Variants in DNAH12 observed in about 807,000 individuals in gnomAD.
DNAH12 encodes the protein dynein axonemal heavy chain 12.
A neutral mutation model predicts 371.5 loss-of-function variants in DNAH12; 285 were observed. That is an observed-to-expected ratio of 0.77 (90% CI 0.70 to 0.85). DNAH12 has a LOEUF of 0.85. Among genes scored for constraint, DNAH12 ranks in the 40% least tolerant of loss-of-function variants. The pLI, the probability that DNAH12 is intolerant of heterozygous loss-of-function variation, is 0.00. For synonymous variants in DNAH12, 1,200 were observed against 1,213.0 expected, an observed-to-expected ratio of 0.99 and a Z score of 0.22; for missense variants, 3,611 against 3,689.4, an observed-to-expected ratio of 0.98 and a Z score of 0.55.
Position 57,405,819 on chromosome 3 carries a change from G to A in DNAH12, c.6410C>T (p.Thr2137Ile). 1 of 1,551,720 alleles carries A rather than the reference G, an allele frequency of 6.4e-7. No homozygotes were observed. Among genetic ancestry groups the A allele is most frequent in the Non-Finnish European group, 8.7e-7 (1 of 1,146,998 alleles). The change falls in exon 41 of 74, where the codon ACT (threonine) becomes ATT (isoleucine). Residue 2137 changes from threonine to isoleucine, a missense_variant. Around this residue, in one of 3 missense-constraint regions of DNAH12, gnomAD observed 2,266 missense variants for 2,236.9 expected, o/e 1.01. Transcript: ENST00000495027. Reference protein sequence around the residue: ...IERDAVANKHTMIRLFVHEVL... With the variant: ...IERDAVANKHIMIRLFVHEVL... ...CTCATGCACAAACAGACGGATCATAGTGTGTTTGTTCGCCACGGCGTCTCT... is the reference window on the plus strand; with the variant it reads ...CTCATGCACAAACAGACGGATCATAATGTGTTTGTTCGCCACGGCGTCTCT...
chr3:57,323,765 TAAAA>T, intron 62 of DNAH12, 146 bp from the exon 63 acceptor site: 1 of 834,048 alleles, frequency 1.2e-6, no homozygotes, highest in Non-Finnish European at 1.7e-6. Flanking sequence ...CTAATTTCTC[TAAAA>T]AATAAAAACT....
At chr3:57,321,046 TTCTC>T (rs1460794605) in intron 65 of DNAH12, among the ~76,000 whole-genome samples, 5 of 152,194 alleles carry the variant, frequency 3.3e-5, no homozygotes, top group Non-Finnish European at 7.3e-5. Flanking sequence ...AGAATGCTTC[TTCTC>T]TAACTCAGCA....
chr3:57,328,419 T>C, intron 62 of DNAH12, among the ~76,000 whole-genome samples: 1 of 133,260 alleles, frequency 7.5e-6, no homozygotes, highest in African/African-American at 2.9e-5. Context: ...CTCAAATCAA[T>C]AAATGTAATC....
chr3:57,391,924 C>T lies in DNAH12; in HGVS notation c.7253G>A (p.Arg2418His), dbSNP rs1462435611. Residue 2418 changes from arginine to histidine, a missense_variant, in exon 45 of 74, where the codon CGC (arginine) becomes CAC (histidine). Around this residue, in one of 3 missense-constraint regions of DNAH12, gnomAD observed 2,266 missense variants for 2,236.9 expected, o/e 1.01. Transcript: ENST00000495027. ...FSPIGDAFRN[R>H]LRQFPSLINC... ...GATGAGGGATGGGAACTGTCTCAAG[C>T]GATTTCGAAAGGCATCTCCAATGGG... 4 of 152,828 alleles carry T rather than the reference C, an allele frequency of 2.6e-5. No homozygotes were observed. Among genetic ancestry groups the T allele is most frequent in the Middle Eastern group, 2.2e-3 (2 of 908 alleles). The allele number at this position is 152,828 out of a possible 1,614,324, so 9.5% of individuals were successfully genotyped here. A position where few individuals can be genotyped will look rare whatever the true frequency, so the allele number is the denominator to read the frequency against.
intron 56 of DNAH12, 49 bp downstream of exon 56, chr3:57,367,997 T>A (rs1281055436): frequency 1.3e-5 from 2 of 152,242 alleles, no homozygotes; most frequent in African/African-American, 4.8e-5. Flanking sequence ...GCCTCCAAGA[T>A]AATTCAATCA....
intron 59 of DNAH12, among the ~76,000 whole-genome samples, chr3:57,356,444 A>AAAATAAATAAATAAATAAAT (rs1174174898): frequency 2.2e-5 from 3 of 137,846 alleles, no homozygotes; most frequent in Non-Finnish European, 4.6e-5. Context: ...CCTTGTCTCA[A>AAAATAAATAAATAAATAAAT]AAATAAATAA....
At chr3:57,508,646 G>T in intron 6 of DNAH12, 106 bp from the exon 7 acceptor site, 2 of 1,315,130 alleles carry the variant, frequency 1.5e-6, no homozygotes, top group Non-Finnish European at 2.0e-6. Flanking sequence ...GAAAACTGGG[G>T]CTTGAGAAGA....
chr3:57,338,859 G>T (rs1476333318), intron 60 of DNAH12, among the ~76,000 whole-genome samples: 1 of 152,272 alleles, frequency 6.6e-6, no homozygotes, highest in African/African-American at 2.4e-5. Flanking sequence ...CTTTCTGCAG[G>T]TGTACCCAAC....
chr3:57,502,236 G>A, intron 10 of DNAH12, 87 bp downstream of exon 10: 1 of 1,529,130 alleles, frequency 6.5e-7, no homozygotes, highest in Non-Finnish European at 8.9e-7. Flanking sequence ...TTCTTTCATG[G>A]CAGCCCCAGA....
chr3:57,474,564 G>A (rs1332184009), intron 13 of DNAH12, among the ~76,000 whole-genome samples: 1 of 152,072 alleles, frequency 6.6e-6, no homozygotes, highest in Non-Finnish European at 1.5e-5. Flanking sequence ...CCACAGTGCT[G>A]GGATTTTAGG....
rs1186556830 is a variant in DNAH12, at chr3:57,446,084, T to C, written c.4126A>G (p.Ile1376Val). 2 of 1,551,692 alleles carry C rather than the reference T, an allele frequency of 1.3e-6. No individual in the cohort carries two copies. Among genetic ancestry groups the C allele is most frequent in the African/African-American group, 2.7e-5 (2 of 73,164 alleles). ...CCTGCATAGCCAGGATTCATGGTAA[T>C]AGCTACAAAACAATTCGGATTGAGC... Reference protein sequence around the residue: ...LKLNPNCFVAITMNPGYAGRS... With the variant: ...LKLNPNCFVAVTMNPGYAGRS... The change falls in exon 27 of 74, where the codon ATT becomes GTT. Residue 1376 changes from isoleucine to valine, a missense_variant. Ile to Val is a conservative substitution (Grantham distance 29, BLOSUM62 3). This residue lies in a region of DNAH12 where 2,266 missense variants were observed against 2,236.9 expected (regional missense o/e 1.01). Transcript: ENST00000495027.
chr3:57,355,004 T>C (rs989755907), intron 59 of DNAH12, among the ~76,000 whole-genome samples: 11 of 152,138 alleles, frequency 7.2e-5, no homozygotes, highest in African/African-American at 2.4e-4. Context: ...GGTATAGCTA[T>C]AAAAGGGGAA....
chr3:57,318,854 T>C (rs934904864), intron 65 of DNAH12, among the ~76,000 whole-genome samples: 4 of 152,236 alleles, frequency 2.6e-5, no homozygotes, highest in East Asian at 1.9e-4. Flanking sequence ...TTTCTCAACA[T>C]TGGTTTGGCC....
chr3:57,551,017 T>C, the DNAH12 span, among the ~76,000 whole-genome samples: 1 of 150,472 alleles, frequency 6.6e-6, no homozygotes, highest in South Asian at 2.1e-4. Flanking sequence ...TAGCTGGGAC[T>C]ACATGCCCAG....
intron 59 of DNAH12, among the ~76,000 whole-genome samples, chr3:57,356,429 TG>T (rs2062801279): frequency 4.7e-5 from 1 of 21,186 alleles, no homozygotes; most frequent in Non-Finnish European, 2.1e-4. Context: ...GGTGACAGAG[TG>T]AGACCTTGTC....
chr3:57,473,619 T>A (rs1282275361), intron 13 of DNAH12, among the ~76,000 whole-genome samples: 1 of 151,786 alleles, frequency 6.6e-6, no homozygotes, highest in African/African-American at 2.4e-5. Context: ...TAGTACTAAT[T>A]TTTAAGAATT....
intron 65 of DNAH12, among the ~76,000 whole-genome samples, chr3:57,316,168 G>A (rs1201561288): frequency 1.3e-5 from 2 of 149,202 alleles, no homozygotes; most frequent in African/African-American, 2.5e-5. Context: ...CTAAGCCAAG[G>A]GGGCAGTAGG....
intron 45 of DNAH12, among the ~76,000 whole-genome samples, chr3:57,391,280 G>C: frequency 6.6e-6 from 1 of 152,206 alleles, no homozygotes; most frequent in Non-Finnish European, 1.5e-5. Flanking sequence ...TCAATCCAAT[G>C]GAACAAAAAT....
rs1008361407 is a variant in DNAH12, at chr3:57,433,353, T to C, written c.4980+14A>G. The C allele has an allele frequency of 5.8e-6, 9 of 1,545,010 alleles. No individual in the cohort carries two copies. In the African/African-American group the frequency reaches 1.2e-4, roughly 21 times the overall value. On this transcript the variant is annotated intron_variant, in intron 32 of 73. Coordinates refer to ENST00000495027, the MANE Select transcript of DNAH12 (RefSeq NM_001366028.2). Reference sequence around the variant, plus strand: ...ATCATGGCTGAATCTGCTTCTCTTTTGATCATGATTTACCTTTTTATTATC... The same window carrying C: ...ATCATGGCTGAATCTGCTTCTCTTTCGATCATGATTTACCTTTTTATTATC...
Sources: gnomAD v4.1 joint callset for allele counts (sites outside exome capture counted in the v4.1 genomes callset) on GRCh38, gnomAD v4.1.1 for gene constraint, gnomAD v4.1.1 regional missense constraint, MANE v1.5 for transcripts, NCBI Gene and HGNC (gene_info 2026-07-23, HGNC 2026-07-21) for gene names.